CHN2: variants seen among roughly 807,000 people sequenced by gnomAD.
CHN2 encodes the protein chimerin 2.
CHN2 carries 35 observed loss-of-function variants against 56.3 expected under a neutral mutation model. The observed-to-expected ratio is 0.62, with a 90% confidence interval of 0.47 to 0.82. The LOEUF (loss-of-function observed/expected upper bound fraction) is 0.82. Among genes scored for constraint, CHN2 ranks in the 40% least tolerant of loss-of-function variants. The pLI, the probability that CHN2 is intolerant of heterozygous loss-of-function variation, is 0.00. For synonymous variants in CHN2, 210 were observed against 212.8 expected, an observed-to-expected ratio of 0.99 and a Z score of 0.12; for missense variants, 491 against 580.5, an observed-to-expected ratio of 0.85 and a Z score of 1.58.
At chr7:29,462,389 A>G (rs1785232437) in intron 6 of CHN2, among the ~76,000 whole-genome samples, 2 of 152,226 alleles carry the variant, frequency 1.3e-5, no homozygotes. Flanking sequence ...GTCAGAAATT[A>G]GAACAGAGTA....
At chr7:29,160,449 T>C (rs1795025045) in intron 2 of CHN2, among the ~76,000 whole-genome samples, 1 of 152,166 alleles carries the variant, frequency 6.6e-6, no homozygotes, top group Non-Finnish European at 1.5e-5. Context: ...AGGAGTTGAG[T>C]CATGTTTGAC....
intron 1 of CHN2, among the ~76,000 whole-genome samples, chr7:29,292,684 A>G (rs912870259): frequency 2.0e-5 from 3 of 152,172 alleles, no homozygotes; most frequent in African/African-American, 7.2e-5. Context: ...CTGAAATGTT[A>G]TTGATTTTTG....
chr7:29,323,246 C>A (rs1367306371), intron 1 of CHN2, among the ~76,000 whole-genome samples: 1 of 150,946 alleles, frequency 6.6e-6, no homozygotes, highest in Non-Finnish European at 1.5e-5. Context: ...AGCACATCAA[C>A]ATCTGACCTT....
At chr7:29,244,174 T>C (rs1226318575) in intron 1 of CHN2, among the ~76,000 whole-genome samples, 1 of 152,238 alleles carries the variant, frequency 6.6e-6, no homozygotes, top group African/African-American at 2.4e-5. Flanking sequence ...TTATTGATGC[T>C]CTCGGGCTGT....
intron 7 of CHN2, among the ~76,000 whole-genome samples, chr7:29,486,649 G>A (rs1788041482): frequency 6.6e-6 from 1 of 152,070 alleles, no homozygotes; most frequent in African/African-American, 2.4e-5. Flanking sequence ...ACTCTTATAT[G>A]TCCCCCACTC....
chr7:29,477,977 C>G (rs913569307), intron 6 of CHN2, among the ~76,000 whole-genome samples: 2 of 152,194 alleles, frequency 1.3e-5, no homozygotes, highest in African/African-American at 4.8e-5. Context: ...AAGCATAGAG[C>G]ATGTCACAGT....
chr7:29,195,429 C>A, intron 1 of CHN2: 1 of 175,236 alleles, frequency 5.7e-6, no homozygotes, highest in Non-Finnish European at 1.2e-5. Flanking sequence ...CCTCGCTCCT[C>A]GCAGACTTGA....
At chr7:29,293,935 C>G (rs536306881) in intron 1 of CHN2, among the ~76,000 whole-genome samples, 2 of 138,720 alleles carry the variant, frequency 1.4e-5, no homozygotes, top group Non-Finnish European at 3.0e-5. Context: ...GGCGCGATCT[C>G]GGCTCACTGC....
At chr7:29,281,763 C>T (rs1207114703) in intron 1 of CHN2, among the ~76,000 whole-genome samples, 1 of 152,198 alleles carries the variant, frequency 6.6e-6, no homozygotes, top group Non-Finnish European at 1.5e-5. Context: ...CCGTACAGCC[C>T]CGTCAAGCCA....
chr7:29,164,472 A>AT (rs1236094379), intron 2 of CHN2, among the ~76,000 whole-genome samples: 3 of 150,952 alleles, frequency 2.0e-5, no homozygotes, highest in African/African-American at 7.4e-5. Flanking sequence ...ATTTCATTTC[A>AT]TTTTTTTGAA....
chr7:29,449,726 G>A (rs1243509297), intron 6 of CHN2, among the ~76,000 whole-genome samples: 1 of 152,192 alleles, frequency 6.6e-6, no homozygotes, highest in East Asian at 1.9e-4. Context: ...ACATTATAGT[G>A]GTTGGGCATT....
intron 2 of CHN2, among the ~76,000 whole-genome samples, chr7:29,163,763 T>A (rs571783254): frequency 1.1e-3 from 161 of 152,350 alleles, no homozygotes; most frequent in Non-Finnish European, 1.8e-3. Flanking sequence ...CTTGCATTTT[T>A]AAAATTTTTA....
chr7:29,321,417 C>T (rs1396406442), intron 1 of CHN2, among the ~76,000 whole-genome samples: 2 of 152,052 alleles, frequency 1.3e-5, no homozygotes, highest in East Asian at 1.9e-4. Flanking sequence ...CTATGATCCT[C>T]GTTTTATAGA....
At chr7:29,419,352 A>G (rs960670851) in intron 6 of CHN2, among the ~76,000 whole-genome samples, 2 of 152,216 alleles carry the variant, frequency 1.3e-5, no homozygotes, top group East Asian at 3.9e-4. Flanking sequence ...TTAACTACCT[A>G]CACATAAGAC....
intron 6 of CHN2, among the ~76,000 whole-genome samples, chr7:29,475,250 A>C (rs543271834): frequency 3.7e-4 from 56 of 152,198 alleles, no homozygotes; most frequent in Non-Finnish European, 7.1e-4. Context: ...GAAGAAAAAA[A>C]AGAAGTGGTG....
At chr7:29,354,143 A>G (rs1169101098) in intron 1 of CHN2, among the ~76,000 whole-genome samples, 1 of 152,196 alleles carries the variant, frequency 6.6e-6, no homozygotes, top group Non-Finnish European at 1.5e-5. Flanking sequence ...CTGCTGTCAG[A>G]TCGAGTATTT....
At chr7:29,482,252 G>A (rs1585556454) in intron 7 of CHN2, among the ~76,000 whole-genome samples, 1 of 152,184 alleles carries the variant, frequency 6.6e-6, no homozygotes, top group Non-Finnish European at 1.5e-5. Context: ...TCTCTTCCAT[G>A]TTTTAAACAG....
At chr7:29,211,264 G>A (rs535283645) in intron 1 of CHN2, among the ~76,000 whole-genome samples, 72 of 150,928 alleles carry the variant, frequency 4.8e-4, no homozygotes, top group African/African-American at 1.7e-3. Flanking sequence ...TTTTTTAGTA[G>A]AGATGGGGTT....
At chr7:29,278,723 C>T (rs1322323043) in intron 1 of CHN2, among the ~76,000 whole-genome samples, 1 of 152,186 alleles carries the variant, frequency 6.6e-6, no homozygotes, top group East Asian at 1.9e-4. Flanking sequence ...CCGAGGGACC[C>T]CAGTGCCCTG....
Sources: allele counts gnomAD v4.1 joint callset (sites outside exome capture counted in the v4.1 genomes callset), GRCh38; gene constraint gnomAD v4.1.1; transcripts MANE v1.5; gene names NCBI Gene and HGNC (gene_info 2026-07-23, HGNC 2026-07-21).